Variants in NUDT4 observed in about 807,000 individuals in gnomAD.
The protein encoded by NUDT4 is diphosphoinositol polyphosphate phosphohydrolase 2.
In NUDT4, 5 loss-of-function variants were observed where a neutral mutation model predicts 23.1. The ratio of observed to expected loss-of-function variants is 0.22; its 90% CI spans 0.11 to 0.46. NUDT4 has a LOEUF of 0.46. Ranked by LOEUF, NUDT4 falls within the 20% of genes least tolerant of loss-of-function variation. The probability of loss-of-function intolerance (pLI) is 0.99; values close to 1 mark genes in which losing one functional copy is unlikely to be tolerated. For synonymous variants in NUDT4, 50 were observed against 79.0 expected (o/e 0.63, Z 1.95); for missense variants, 96 against 211.6 (o/e 0.45, Z 3.39).
intron 1 of NUDT4, among the ~76,000 whole-genome samples, chr12:93,391,025 TC>T (rs1307471305): frequency 6.6e-6 from 1 of 152,172 alleles, no homozygotes; most frequent in Non-Finnish European, 1.5e-5. Context: ...TTGGAAAAGT[TC>T]CTGGTAACTT....
chr12:93,387,680 A>G (rs1457542099), intron 1 of NUDT4, among the ~76,000 whole-genome samples: 1 of 152,098 alleles, frequency 6.6e-6, no homozygotes, highest in Non-Finnish European at 1.5e-5. Flanking sequence ...TTTCATCTGT[A>G]CTGGTCTAGA....
rs1876797711 is a variant in NUDT4 at position 93,394,594 on chromosome 12, T to C, written c.100-15T>C. On this transcript the variant is annotated splice_polypyrimidine_tract_variant and intron_variant, in intron 1 of 4. Coordinates refer to ENST00000415493, the MANE Select transcript of NUDT4 (RefSeq NM_019094.6). ...TTCTCAGGCTGGAAGTATACAGTTA[T>C]GGTTCACCTTACAGGTGCTGCTGGT... 6 of 1,479,038 alleles carry C rather than the reference T, an allele frequency of 4.1e-6. No homozygotes were observed. The highest frequency in any genetic ancestry group is 2.5e-5 in the East Asian group (1 of 40,612). 91.6% of individuals were successfully genotyped at this position (1,479,038 alleles called of 1,614,324 possible).
At chr12:93,399,021 A>G (rs1169763584) in intron 4 of NUDT4, among the ~76,000 whole-genome samples, 156 bp from the exon 5 acceptor site, 2 of 151,888 alleles carry the variant, frequency 1.3e-5, no homozygotes, top group African/African-American at 4.8e-5. Flanking sequence ...CATTTAGAGC[A>G]GGGAAGATAA....
At position 93,405,913 on chromosome 12, in the gene NUDT4, G is replaced by C; in HGVS notation, c.*6534G>C. ...ATAAATTAGGTACCCTATTATCATG[G>C]TATTTTCTTTTTTGGCCAGCTTTTC... On this transcript the variant is annotated 3_prime_UTR_variant, in exon 5 of 5. Transcript: ENST00000415493. 6.6e-6 allele frequency: 1 copy of C among 152,128 alleles called. No individual in the cohort carries two copies. The highest frequency in any genetic ancestry group is 2.4e-5 in the African/African-American group (1 of 41,504). The allele number at this position is 152,128 out of a possible 1,614,324, so 9.4% of individuals were successfully genotyped here.
At position 93,386,308 on chromosome 12, in the gene NUDT4, G is replaced by T. The variant is rs1343439449; in HGVS notation, c.99+7887G>T. Among the ~76,000 whole-genome samples, 5 of 151,778 alleles carry T rather than the reference G, an allele frequency of 3.3e-5. No homozygotes were observed. In the East Asian group the frequency reaches 9.7e-4, roughly 29 times the overall value. ...ATTAATAGTTCAGGCTGGGCACAGT[G>T]GCTCACACCTGTAATCTCAGCACTT... is the stretch of plus-strand genomic sequence containing the variant. On this transcript the variant is annotated intron_variant, in intron 1 of 4. Coordinates refer to ENST00000415493, the MANE Select transcript of NUDT4 (RefSeq NM_019094.6).
chr12:93,397,206 A>G (rs1307246114), intron 3 of NUDT4, among the ~76,000 whole-genome samples: 1 of 152,238 alleles, frequency 6.6e-6, no homozygotes, highest in African/African-American at 2.4e-5. Context: ...TGAATTTGTG[A>G]ATATAGCATA....
At chr12:93,384,133 G>A (rs952424163) in intron 1 of NUDT4, among the ~76,000 whole-genome samples, 10 of 151,900 alleles carry the variant, frequency 6.6e-5, no homozygotes, top group Non-Finnish European at 1.2e-4. Flanking sequence ...AGGAGGACCC[G>A]TCAGGTGATA....
At chr12:93,379,583 T>A (rs1045495574) in intron 1 of NUDT4, among the ~76,000 whole-genome samples, 2 of 117,362 alleles carry the variant, frequency 1.7e-5, no homozygotes, top group Non-Finnish European at 3.8e-5. Flanking sequence ...TTTGCCTTTA[T>A]TTTTTTTTGA....
intron 1 of NUDT4, among the ~76,000 whole-genome samples, chr12:93,392,252 C>CG (rs1194540410): frequency 1.4e-5 from 2 of 139,384 alleles, no homozygotes; most frequent in East Asian, 4.9e-4. Flanking sequence ...TTCCCCCCCC[C>CG]CCTTTTTTTT....
intron 1 of NUDT4, 65 bp downstream of exon 1, chr12:93,378,486 C>A: frequency 7.0e-7 from 1 of 1,429,978 alleles, no homozygotes; most frequent in Non-Finnish European, 9.3e-7. Context: ...GGTGCTTCCC[C>A]TCGCTCCCCG....
At chr12:93,398,706 C>A in intron 3 of NUDT4, 65 bp from the exon 4 acceptor site, 1 of 1,152,264 alleles carries the variant, frequency 8.7e-7, no homozygotes, top group Non-Finnish European at 1.3e-6. Flanking sequence ...ATTTTTTTCC[C>A]TTGGAAAATG....
intron 3 of NUDT4, among the ~76,000 whole-genome samples, chr12:93,398,178 A>G (rs775599107): frequency 3.3e-5 from 5 of 151,782 alleles, no homozygotes; most frequent in Non-Finnish European, 5.9e-5. Flanking sequence ...CGTCTGTACT[A>G]AAAATACAAA....
chr12:93,398,639 G>T (rs1877116889), intron 3 of NUDT4, 132 bp from the exon 4 acceptor site: 1 of 621,674 alleles, frequency 1.6e-6, no homozygotes, highest in South Asian at 2.0e-5. Flanking sequence ...CTGTACAACT[G>T]AATATACTTG....
chr12:93,381,366 T>C (rs948140209), intron 1 of NUDT4, among the ~76,000 whole-genome samples: 3 of 152,242 alleles, frequency 2.0e-5, no homozygotes, highest in Non-Finnish European at 4.4e-5. Context: ...CTAATTGCCC[T>C]GTAGAGTAGC....
chr12:93,399,338 A>G lies in NUDT4; in HGVS notation c.502A>G (p.Thr168Ala), dbSNP rs200760978. ...SLPDNNALFV[T>A]AAQTSGLPSS... Reference sequence around the variant, plus strand: ...TCCGGATAATAATGCCTTGTTTGTAACCGCTGCACAGACCTCTGGGTTGCC... The same window carrying G: ...TCCGGATAATAATGCCTTGTTTGTAGCCGCTGCACAGACCTCTGGGTTGCC... Residue 168 changes from threonine to alanine, a missense_variant, in exon 5 of 5, where the codon ACC becomes GCC. Transcript: ENST00000415493. The G allele has an allele frequency of 3.7e-5, 36 of 962,482 alleles. No individual in the cohort carries two copies. In the Admixed American group the frequency reaches 5.9e-4, roughly 16 times the overall value. The allele number at this position is 962,482 out of a possible 1,614,324, so 59.6% of individuals were successfully genotyped here.
At chr12:93,379,311 G>A (rs1439619973) in intron 1 of NUDT4, among the ~76,000 whole-genome samples, 1 of 152,178 alleles carries the variant, frequency 6.6e-6, no homozygotes, top group Non-Finnish European at 1.5e-5. Context: ...GCTAACTGTT[G>A]AAGTTTGCTT....
At position 93,387,133 on chromosome 12, in the gene NUDT4, T is replaced by C. The variant is rs1876162689; in HGVS notation, c.100-7476T>C. 2.6e-5 allele frequency among the ~76,000 whole-genome samples: 4 copies of C among 152,192 alleles called. No individual in the cohort carries two copies. The South Asian group carries it at 8.3e-4, about 32-fold the overall frequency. ...TTTTGGTAGAGATGAGGTTTCACCA[T>C]GTTGGCCAGGCTGGTCTTGAACTCC... On this transcript the variant is annotated intron_variant, in intron 1 of 4. Coordinates refer to ENST00000415493, the MANE Select transcript of NUDT4 (RefSeq NM_019094.6).
At chr12:93,395,438 A>G (rs761708975) in intron 2 of NUDT4, 51 bp from the exon 3 acceptor site, 3 of 1,285,222 alleles carry the variant, frequency 2.3e-6, no homozygotes, top group Non-Finnish European at 2.3e-6. Flanking sequence ...GTATTTATAT[A>G]CATTTTGTTA....
At chr12:93,390,257 T>C (rs1876396219) in intron 1 of NUDT4, among the ~76,000 whole-genome samples, 1 of 152,230 alleles carries the variant, frequency 6.6e-6, no homozygotes, top group African/African-American at 2.4e-5. Context: ...AGTTTATTCC[T>C]AACCCAAACC....
Sources: allele counts gnomAD v4.1 joint callset (sites outside exome capture counted in the v4.1 genomes callset), GRCh38; gene constraint gnomAD v4.1.1; transcripts MANE v1.5; gene names NCBI Gene and HGNC (gene_info 2026-07-23, HGNC 2026-07-21).